Variants in PTPRD observed in about 807,000 individuals in gnomAD.
PTPRD encodes the protein protein tyrosine phosphatase receptor type D.
PTPRD carries 34 observed loss-of-function variants against 214.5 expected under a neutral mutation model. The observed-to-expected ratio is 0.16, with a 90% CI of 0.12 to 0.21. PTPRD has a LOEUF of 0.21. PTPRD is among the 10% of genes least tolerant of loss of function. PTPRD has a pLI of 1.00. For missense variants in PTPRD, 2,545 were observed against 2,398.7 expected (o/e 1.06, Z -1.27); for synonymous variants, 1,128 against 845.7 (o/e 1.33, Z -5.79).
chr9:8,472,647 T>C (rs553557888), intron 30 of PTPRD, among the ~76,000 whole-genome samples: 1 of 152,276 alleles, frequency 6.6e-6, no homozygotes, highest in South Asian at 2.1e-4. Flanking sequence ...GTGTGAAATA[T>C]CTCAGTAATA....
At chr9:8,550,640 C>G (rs777659152) in intron 14 of PTPRD, among the ~76,000 whole-genome samples, 3 of 152,176 alleles carry the variant, frequency 2.0e-5, no homozygotes, top group African/African-American at 7.2e-5. Context: ...TCATGATTTT[C>G]AATCACCTAA....
chr9:8,505,193 G>A (rs1188734025), intron 22 of PTPRD, among the ~76,000 whole-genome samples: 1 of 152,104 alleles, frequency 6.6e-6, no homozygotes, highest in East Asian at 1.9e-4. Flanking sequence ...AAATATAAGT[G>A]TCTATGGGTA....
intron 11 of PTPRD, among the ~76,000 whole-genome samples, chr9:8,933,139 G>C (rs545749523): frequency 1.3e-5 from 2 of 152,108 alleles, no homozygotes; most frequent in African/African-American, 4.8e-5. Context: ...CCGACCCCTT[G>C]TGCTTCCTGG....
intron 5 of PTPRD, among the ~76,000 whole-genome samples, chr9:9,934,953 T>C (rs1025949791): frequency 1.3e-5 from 2 of 152,268 alleles, no homozygotes; most frequent in Middle Eastern, 6.8e-3. Flanking sequence ...ATCCAGCATA[T>C]AAACAGAGCC....
chr9:8,932,333 T>C (rs576003711), intron 11 of PTPRD, among the ~76,000 whole-genome samples: 2 of 152,316 alleles, frequency 1.3e-5, no homozygotes, highest in South Asian at 4.1e-4. Context: ...GCTTTAGCTG[T>C]GTCCCAGAGA....
At chr9:8,597,403 C>CT (rs1554868738) in intron 14 of PTPRD, among the ~76,000 whole-genome samples, 1 of 151,966 alleles carries the variant, frequency 6.6e-6, no homozygotes, top group Non-Finnish European at 1.5e-5. Context: ...GCTACTTTGG[C>CT]TTTTTTTAAA....
At chr9:9,120,553 C>G (rs558920102) in intron 10 of PTPRD, among the ~76,000 whole-genome samples, 2 of 152,280 alleles carry the variant, frequency 1.3e-5, no homozygotes, top group South Asian at 4.1e-4. Flanking sequence ...TAGATTTAGT[C>G]AAACATTTGC....
At chr9:10,120,541 C>T (rs12235475) in intron 3 of PTPRD, among the ~76,000 whole-genome samples, 16,748 of 151,944 alleles carry the variant, frequency 0.11, 1,067 homozygotes, top group South Asian at 0.28. Context: ...TATCAGTGCA[C>T]TTTGAAGTAA....
intron 9 of PTPRD, among the ~76,000 whole-genome samples, chr9:9,291,227 G>C (rs568303447): frequency 2.0e-5 from 3 of 151,342 alleles, no homozygotes; most frequent in Non-Finnish European, 4.4e-5. Context: ...CAAGAGTAGT[G>C]GTGATTTTTC....
At chr9:10,349,936 C>G (rs1038842683) in intron 2 of PTPRD, among the ~76,000 whole-genome samples, 7 of 152,300 alleles carry the variant, frequency 4.6e-5, no homozygotes, top group Admixed American at 2.0e-4. Flanking sequence ...GCTGGGATTA[C>G]AGGCATGAGC....
At chr9:9,950,722 C>CA (rs922771507) in intron 4 of PTPRD, among the ~76,000 whole-genome samples, 444 of 2,652 alleles carry the variant, frequency 0.17, 160 homozygotes, top group Admixed American at 0.18. Context: ...GACTCCGTCT[C>CA]AAAAAAAAAA....
At chr9:10,168,302 A>C (rs1383320903) in intron 3 of PTPRD, among the ~76,000 whole-genome samples, 1 of 152,198 alleles carries the variant, frequency 6.6e-6, no homozygotes, top group Non-Finnish European at 1.5e-5. Flanking sequence ...ATAGATCATG[A>C]GATGTAAAAG....
chr9:9,698,315 G>C (rs2097422301), intron 7 of PTPRD, among the ~76,000 whole-genome samples: 2 of 152,128 alleles, frequency 1.3e-5, no homozygotes, highest in South Asian at 2.1e-4. Flanking sequence ...TTGCAATATA[G>C]TTACTGAGTA....
chr9:8,551,687 A>G (rs1274632448), intron 14 of PTPRD, among the ~76,000 whole-genome samples: 2 of 152,210 alleles, frequency 1.3e-5, no homozygotes, highest in Non-Finnish European at 2.9e-5. Flanking sequence ...TTTAACTGGA[A>G]ATTGCTAACA....
chr9:8,368,788 T>C (rs1004972953), intron 39 of PTPRD, among the ~76,000 whole-genome samples: 1 of 152,030 alleles, frequency 6.6e-6, no homozygotes, highest in African/African-American at 2.4e-5. Context: ...GCCTCCTGTT[T>C]TTAACACTAT....
chr9:9,334,614 C>T (rs1298885608), intron 9 of PTPRD, among the ~76,000 whole-genome samples: 1 of 151,872 alleles, frequency 6.6e-6, no homozygotes, highest in African/African-American at 2.4e-5. Context: ...TCTCTCTGTG[C>T]CTGTGTTAAC....
chr9:9,856,820 G>A (rs1396538569), intron 5 of PTPRD, among the ~76,000 whole-genome samples: 1 of 152,126 alleles, frequency 6.6e-6, no homozygotes, highest in Non-Finnish European at 1.5e-5. Flanking sequence ...TGCTTGATGG[G>A]ACTGGAAGAC....
intron 2 of PTPRD, among the ~76,000 whole-genome samples, chr9:10,342,225 C>G (rs952343211): frequency 1.3e-5 from 2 of 152,164 alleles, no homozygotes; most frequent in East Asian, 3.9e-4. Flanking sequence ...GCCCTTGATA[C>G]TGGCCTGTGT....
intron 4 of PTPRD, among the ~76,000 whole-genome samples, chr9:10,028,291 G>A (rs374522497): frequency 6.6e-6 from 1 of 152,120 alleles, no homozygotes; most frequent in Non-Finnish European, 1.5e-5. Context: ...TTTGTAAATT[G>A]CTCAGTCTTG....
Sources: allele counts gnomAD v4.1 joint callset (sites outside exome capture counted in the v4.1 genomes callset), GRCh38; gene constraint gnomAD v4.1.1; transcripts MANE v1.5; gene names NCBI Gene and HGNC (gene_info 2026-07-23, HGNC 2026-07-21).